TSGA10: variants seen among roughly 807,000 people sequenced by gnomAD.
TSGA10 encodes the protein testis-specific gene 10 protein.
In TSGA10, 43 loss-of-function variants were observed where a neutral mutation model predicts 96.6. That is an observed-to-expected ratio of 0.44 (90% CI 0.35 to 0.57). TSGA10 has a LOEUF of 0.57. Among genes scored for constraint, TSGA10 ranks in the 20% least tolerant of loss-of-function variants. TSGA10 has a pLI of 0.01. For synonymous variants in TSGA10, 229 were observed against 269.9 expected, an observed-to-expected ratio of 0.85 and a Z score of 1.48; for missense variants, 703 against 834.4, an observed-to-expected ratio of 0.84 and a Z score of 1.94.
In TSGA10 at chr2:99,035,246, T is replaced by C; in HGVS notation, c.1598A>G (p.Asp533Gly). The stretch of plus-strand genomic sequence containing the variant: ...ATTACATACCATTTCTATTTCTTGA[T>C]CTTTAGCAACCAGCTGTCGATTAAG... ...ELLNRQLVAKDQEIEMRENEL... is the reference protein window; with the variant it reads ...ELLNRQLVAKGQEIEMRENEL... Residue 533 changes from aspartate (D) to glycine (G), a missense_variant, in exon 17 of 21, where the codon GAT (aspartate) becomes GGT (glycine). By Grantham distance (94) the Asp-to-Gly change is moderately conservative. Coordinates refer to ENST00000393483, the MANE Select transcript of TSGA10 (RefSeq NM_025244.4). The C allele has an allele frequency of 6.2e-7, 1 of 1,608,604 alleles. No individual in the cohort carries two copies. The highest frequency in any genetic ancestry group is 8.5e-7 in the Non-Finnish European group (1 of 1,177,240).
intron 10 of TSGA10, among the ~76,000 whole-genome samples, chr2:99,096,597 C>T (rs546201654): frequency 2.2e-4 from 33 of 152,286 alleles, no homozygotes; most frequent in African/African-American, 7.5e-4. Flanking sequence ...TCAAATTTTG[C>T]TTCCAGTGTT....
intron 16 of TSGA10, among the ~76,000 whole-genome samples, chr2:99,055,080 CA>C (rs1406287041): frequency 6.6e-6 from 1 of 152,160 alleles, no homozygotes; most frequent in Non-Finnish European, 1.5e-5. Flanking sequence ...GAATTATTTA[CA>C]ATAGCCAAGA....
intron 20 of TSGA10, among the ~76,000 whole-genome samples, chr2:99,000,446 G>C (rs535348235): frequency 1.3e-5 from 2 of 151,968 alleles, no homozygotes; most frequent in African/African-American, 2.4e-5. Context: ...GGAGGTGGAG[G>C]TTGCAGGGAG....
intron 1 of TSGA10, among the ~76,000 whole-genome samples, chr2:99,131,671 T>TGA (rs1254181812): frequency 1.3e-5 from 2 of 152,200 alleles, no homozygotes; most frequent in African/African-American, 2.4e-5. Flanking sequence ...ATAGGAGTGG[T>TGA]GAGAGAGGGC....
chr2:99,002,666 C>T (rs983503209), intron 20 of TSGA10, among the ~76,000 whole-genome samples: 1 of 152,128 alleles, frequency 6.6e-6, no homozygotes, highest in Non-Finnish European at 1.5e-5. Flanking sequence ...GGGCTAAATA[C>T]TCCAATTAAA....
At chr2:99,111,767 T>C (rs553376511) in intron 4 of TSGA10, among the ~76,000 whole-genome samples, 1 of 152,226 alleles carries the variant, frequency 6.6e-6, no homozygotes, top group African/African-American at 2.4e-5. Context: ...TAGCCTTGAA[T>C]AGACAATTTT....
At chr2:99,139,051 G>C (rs557696720) in intron 1 of TSGA10, among the ~76,000 whole-genome samples, 13 of 152,198 alleles carry the variant, frequency 8.5e-5, no homozygotes, top group Non-Finnish European at 1.0e-4. Flanking sequence ...CTTGAGCCCA[G>C]GAATTTGAGA....
chr2:99,010,533 A>G (rs1207044749), intron 20 of TSGA10, among the ~76,000 whole-genome samples: 2 of 152,240 alleles, frequency 1.3e-5, no homozygotes, highest in African/African-American at 4.8e-5. Flanking sequence ...AGATTTATGG[A>G]GTCACGTAAA....
At chr2:99,046,227 T>C (rs936034047) in intron 16 of TSGA10, among the ~76,000 whole-genome samples, 2 of 152,146 alleles carry the variant, frequency 1.3e-5, no homozygotes, top group East Asian at 1.9e-4. Flanking sequence ...GCAGACCTAA[T>C]AGACATCTAC....
chr2:99,028,543 CATTAG>C (rs2080850590), intron 17 of TSGA10, among the ~76,000 whole-genome samples: 1 of 152,130 alleles, frequency 6.6e-6, no homozygotes, highest in African/African-American at 2.4e-5. Context: ...CCATGCTGTA[CATTAG>C]ATCTCCCAAA....
intron 14 of TSGA10, among the ~76,000 whole-genome samples, chr2:99,070,350 T>C (rs182424729): frequency 6.6e-6 from 1 of 152,182 alleles, no homozygotes; most frequent in Admixed American, 6.5e-5. Flanking sequence ...GAGAGCAAGA[T>C]TCAACCCATG....
intron 16 of TSGA10, among the ~76,000 whole-genome samples, chr2:99,050,374 T>G (rs1429041123): frequency 6.6e-6 from 1 of 152,222 alleles, no homozygotes; most frequent in Non-Finnish European, 1.5e-5. Flanking sequence ...ACATTTCAGA[T>G]TTCAGATTTT....
intron 12 of TSGA10, among the ~76,000 whole-genome samples, chr2:99,077,648 G>A (rs955290514): frequency 6.6e-6 from 1 of 151,968 alleles, no homozygotes; most frequent in Non-Finnish European, 1.5e-5. Context: ...TGCAAGCTCC[G>A]CCTCCGGGGT....
intron 10 of TSGA10, among the ~76,000 whole-genome samples, chr2:99,098,397 C>G (rs2090307851): frequency 6.9e-6 from 1 of 145,178 alleles, no homozygotes; most frequent in South Asian, 2.1e-4. Flanking sequence ...CGAGATCGCA[C>G]CACTGCACTC....
rs761504111 is a variant in TSGA10, at chr2:99,071,723, C to T, written c.1090G>A (p.Ala364Thr). ...NDNLQEQFAK[A>T]KQENQALSKK... ...AAGTGTACCTGGTTTTCTTGTTTAG[C>T]TTTAGCAAACTGTTCCTGGAGATTG... is the stretch of plus-strand genomic sequence containing the variant. The change falls in exon 14 of 21, where the codon GCT becomes ACT. Residue 364 changes from alanine to threonine, a missense_variant. Transcript: ENST00000393483. The T allele has an allele frequency of 6.2e-5, 100 of 1,612,792 alleles. No homozygotes were observed. In the East Asian group the frequency reaches 2.1e-3, roughly 35 times the overall value.
In TSGA10 at chr2:99,018,558, G is replaced by A. The variant is rs1176228880; in HGVS notation, c.1900C>T (p.Leu634=). ...EADLDITKRQ[L]GTERFERERA... The stretch of plus-strand genomic sequence containing the variant: ...TACCTTTCAAAGCGCTCTGTTCCTA[G>A]TTGTCTTTTGGTAATGTCTAAATCA... The change falls in exon 19 of 21, where the codon CTA becomes TTA. Residue 634 remains leucine, a synonymous_variant. Transcript: ENST00000393483. 2.5e-6 allele frequency: 4 copies of A among 1,613,782 alleles called. No homozygotes were observed. Among genetic ancestry groups the A allele is most frequent in the Admixed American group, 1.7e-5 (1 of 59,968 alleles).
chr2:99,127,081 G>C lies in TSGA10; in HGVS notation c.-525C>G. ...TCAGTGTCGAGATGAATCTATCTTG[G>C]TTTCTCACTTCTTGTTCTAGCTGGA... On this transcript the variant is annotated 5_prime_UTR_variant, in exon 2 of 21. Transcript: ENST00000393483. 1 of 1,289,512 alleles carries C rather than the reference G, an allele frequency of 7.8e-7. No homozygotes were observed. Among genetic ancestry groups the C allele is most frequent in the Non-Finnish European group, 1.0e-6 (1 of 988,772 alleles). 79.9% of individuals were successfully genotyped at this position (1,289,512 alleles called of 1,614,324 possible).
At chr2:99,147,253 G>C in intron 1 of TSGA10, 1 of 470,544 alleles carries the variant, frequency 2.1e-6, no homozygotes, top group Non-Finnish European at 3.8e-6. Context: ...TTTCCACCTT[G>C]GCCTCCCAAA....
chr2:99,094,008 C>A (rs2089691645), intron 10 of TSGA10, among the ~76,000 whole-genome samples: 1 of 152,094 alleles, frequency 6.6e-6, no homozygotes, highest in Admixed American at 6.6e-5. Context: ...AACTATACTA[C>A]AAAGCTACAG....
Sources: gnomAD v4.1 joint callset for allele counts (sites outside exome capture counted in the v4.1 genomes callset) on GRCh38, gnomAD v4.1.1 for gene constraint, MANE v1.5 for transcripts, NCBI Gene and HGNC (gene_info 2026-07-23, HGNC 2026-07-21) for gene names.